The following ACSM5 variants were observed in gnomAD, a reference collection of about 807,000 sequenced individuals.
ACSM5 encodes the protein acyl-coenzyme A synthetase ACSM5, mitochondrial.
Under a neutral mutation model 71.6 loss-of-function variants are expected in ACSM5, and 56 were observed. The ratio of observed to expected loss-of-function variants is 0.78; its 90% confidence interval spans 0.63 to 0.98. ACSM5 has a LOEUF of 0.98. Ranked by LOEUF, ACSM5 falls within the 50% of genes least tolerant of loss-of-function variation. The pLI is 0.00. For missense variants in ACSM5, 723 were observed against 726.0 expected (o/e 1.00, Z 0.05); for synonymous variants, 285 against 281.5 (o/e 1.01, Z -0.12).
rs1967305354 is a variant in ACSM5, at chr16:20,440,483, A to T, written c.*56A>T. The T allele has an allele frequency of 6.8e-7, 1 of 1,479,326 alleles. No individual in the cohort carries two copies. Among genetic ancestry groups the T allele is most frequent in the Admixed American group, 1.7e-5 (1 of 59,678 alleles). The allele number at this position is 1,479,326 out of a possible 1,614,324, so 91.6% of individuals were successfully genotyped here. On this transcript the variant is annotated 3_prime_UTR_variant, in exon 14 of 14. Transcript: ENST00000331849. ...CGAAGACTCCACAAGAAACTAATGGATCACTGGTCAGTCCCCATGGGGAGC... is the reference window on the plus strand; with the variant it reads ...CGAAGACTCCACAAGAAACTAATGGTTCACTGGTCAGTCCCCATGGGGAGC...
chr16:20,427,279 G>A (rs1280464231), intron 6 of ACSM5, among the ~76,000 whole-genome samples: 1 of 152,100 alleles, frequency 6.6e-6, no homozygotes, highest in Non-Finnish European at 1.5e-5. Flanking sequence ...CAGCCTGGGT[G>A]ACAGAGTGAG....
At chr16:20,418,296 G>A (rs373380578) in intron 3 of ACSM5, 27 bp downstream of exon 3, 2 of 1,588,242 alleles carry the variant, frequency 1.3e-6, no homozygotes, top group Non-Finnish European at 1.7e-6. Flanking sequence ...GGGAATTTTA[G>A]TTGGGGGCAG....
chr16:20,419,380 C>T lies in ACSM5; in HGVS notation c.568C>T (p.Leu190=). The change falls in exon 4 of 14, where the codon CTG becomes TTG. Residue 190 remains leucine, a synonymous_variant. Transcript: ENST00000331849. ...CGAATGCCCCTCCCTCCAGACCAAG[C>T]TGCTGGTGTCAGACAGCAGTCGGCC... is the stretch of plus-strand genomic sequence containing the variant. The part of the protein sequence containing the change: ...SAECPSLQTK[L]LVSDSSRPGW... The T allele has an allele frequency of 6.2e-7, 1 of 1,614,222 alleles. No individual in the cohort carries two copies. Among genetic ancestry groups the T allele is most frequent in the South Asian group, 1.1e-5 (1 of 91,088 alleles).
At position 20,418,069 on chromosome 16, in the gene ACSM5, G is replaced by A. The variant is rs149315908; in HGVS notation, c.215G>A (p.Arg72His). Reference sequence around the variant, plus strand: ...TGTACCACCATCTAGGCTGGACACCGCCCCCCAAATCCTGCCTTCTGGTGG... The same window carrying A: ...TGTACCACCATCTAGGCTGGACACCACCCCCCAAATCCTGCCTTCTGGTGG... ...VWSRLEEAGH[R>H]PPNPAFWWVN... The change falls in exon 3 of 14, where the codon CGC (arginine) becomes CAC (histidine). Residue 72 changes from arginine (R) to histidine (H), a missense_variant. Arg to His is a conservative substitution (Grantham distance 29, BLOSUM62 0). Transcript: ENST00000331849. The A allele has an allele frequency of 3.2e-3, 5,102 of 1,613,158 alleles. 18 individuals are homozygous for A. Among genetic ancestry groups the A allele is most frequent in the Non-Finnish European group, 3.7e-3 (4,402 of 1,179,770 alleles).
In ACSM5 at chr16:20,440,885, G is replaced by A. The variant is rs1471265266; in HGVS notation, c.*458G>A. On this transcript the variant is annotated 3_prime_UTR_variant, in exon 14 of 14. Coordinates refer to ENST00000331849, the MANE Select transcript of ACSM5 (RefSeq NM_017888.3). ...TAGCTCAGAAATTCTATCTTCGGGA[G>A]TCACCACAAAAGAAAAAAATCAAAA... 6.5e-6 allele frequency: 1 copy of A among 153,046 alleles called. No homozygotes were observed. Among genetic ancestry groups the A allele is most frequent in the Non-Finnish European group, 1.5e-5 (1 of 68,926 alleles). 9.5% of individuals were successfully genotyped at this position (153,046 alleles called of 1,614,324 possible). A position where few individuals can be genotyped will look rare whatever the true frequency, so the allele number is the denominator to read the frequency against.
chr16:20,426,095 A>T (rs1966972602), intron 6 of ACSM5, among the ~76,000 whole-genome samples: 1 of 152,140 alleles, frequency 6.6e-6, no homozygotes, highest in African/African-American at 2.4e-5. Flanking sequence ...AACATCTATT[A>T]TTTTTTGATA....
chr16:20,421,763 A>G (rs1454997910), intron 5 of ACSM5, among the ~76,000 whole-genome samples: 6 of 151,616 alleles, frequency 4.0e-5, no homozygotes, highest in South Asian at 2.1e-4. Flanking sequence ...GTCATTAAAT[A>G]CATTCACATT....
chr16:20,424,933 GA>G (rs1255905350), intron 6 of ACSM5, among the ~76,000 whole-genome samples: 1 of 152,236 alleles, frequency 6.6e-6, no homozygotes, highest in Non-Finnish European at 1.5e-5. Context: ...TGCAATGCGT[GA>G]AAATCACATC....
intron 5 of ACSM5, among the ~76,000 whole-genome samples, chr16:20,421,656 T>TAC (rs60844372): frequency 4.8e-4 from 51 of 106,056 alleles, no homozygotes; most frequent in African/African-American, 1.3e-3. Context: ...TATATATATA[T>TAC]ACACACACAC....
chr16:20,421,527 T>G (rs1966880968), intron 5 of ACSM5, 126 bp downstream of exon 5: 1 of 867,896 alleles, frequency 1.2e-6, no homozygotes, highest in South Asian at 3.0e-5. Context: ...GAGAAGCCAA[T>G]AGGAGCAGCT....
intron 13 of ACSM5, 131 bp downstream of exon 13, chr16:20,440,050 C>T (rs2141664952): frequency 2.4e-6 from 3 of 1,230,910 alleles, no homozygotes; most frequent in African/African-American, 3.0e-5. Flanking sequence ...CTGGCTGCTG[C>T]TTCAGCTTTT....
chr16:20,432,583 A>AAT (rs1453544970), intron 10 of ACSM5, among the ~76,000 whole-genome samples: 1 of 152,152 alleles, frequency 6.6e-6, no homozygotes, highest in Non-Finnish European at 1.5e-5. Flanking sequence ...AGCAATAGTA[A>AAT]ATCTTTGACC....
rs138834094 is a variant in ACSM5, at chr16:20,431,272, C to T, written c.1259C>T (p.Ala420Val). 7,237 of 1,614,166 alleles carry T rather than the reference C, an allele frequency of 4.5e-3. 31 individuals carry two copies. The highest frequency in any genetic ancestry group is 5.6e-3 in the Non-Finnish European group (6,619 of 1,180,008). The change falls in exon 10 of 14, where the codon GCC becomes GTC. Residue 420 changes from alanine (A) to valine (V), a missense_variant. Coordinates refer to ENST00000331849, the MANE Select transcript of ACSM5 (RefSeq NM_017888.3). ...CCTCCTGGAGAAGAGGGGAATGTTGCCGTCCGTATCAGACCCACTCGGCCC... is the reference window on the plus strand; with the variant it reads ...CCTCCTGGAGAAGAGGGGAATGTTGTCGTCCGTATCAGACCCACTCGGCCC... ...VLPPGEEGNVAVRIRPTRPFC... is the reference protein window; with the variant it reads ...VLPPGEEGNVVVRIRPTRPFC...
chr16:20,419,407 G>A lies in ACSM5; in HGVS notation c.595G>A (p.Gly199Ser). ...KLLVSDSSRP[G>S]WLNFRELLRE... is the part of the protein sequence containing the mutation. ...GCTGGTGTCAGACAGCAGTCGGCCA[G>A]GCTGGTTGAACTTCAGGGAACTCCT... is the stretch of plus-strand genomic sequence containing the variant. The change falls in exon 4 of 14, where the codon GGC becomes AGC. Residue 199 changes from glycine (G) to serine (S), a missense_variant. Physicochemically the swap from Gly to Ser is moderately conservative, Grantham distance 56. Transcript: ENST00000331849. The A allele has an allele frequency of 6.2e-7, 1 of 1,614,206 alleles. No individual in the cohort carries two copies. The highest frequency in any genetic ancestry group is 8.5e-7 in the Non-Finnish European group (1 of 1,180,028).
In ACSM5 at chr16:20,423,974, G is replaced by A; in HGVS notation, c.826G>A (p.Val276Met). ...IFWNTTDTGW[V>M]KAAWTLFSAW... Reference sequence around the variant, plus strand: ...CTGGAACACGACTGACACTGGCTGGGTGAAGGCAGCCTGGACTCTCTTCTC... The same window carrying A: ...CTGGAACACGACTGACACTGGCTGGATGAAGGCAGCCTGGACTCTCTTCTC... The change falls in exon 6 of 14, where the codon GTG becomes ATG. Residue 276 changes from valine to methionine, a missense_variant. Coordinates refer to ENST00000331849, the MANE Select transcript of ACSM5 (RefSeq NM_017888.3). 6.2e-7 allele frequency: 1 copy of A among 1,614,188 alleles called. No individual in the cohort carries two copies. The highest frequency in any genetic ancestry group is 2.2e-5 in the East Asian group (1 of 44,880).
intron 4 of ACSM5, 171 bp downstream of exon 4, chr16:20,419,606 G>T: frequency 9.3e-6 from 6 of 644,390 alleles, no homozygotes; most frequent in Non-Finnish European, 1.3e-5. Flanking sequence ...TAATGTTCAA[G>T]GTCCCTCATT....
At chr16:20,410,164 G>A (rs1966844922) in intron 1 of ACSM5, among the ~76,000 whole-genome samples, 1 of 152,102 alleles carries the variant, frequency 6.6e-6, no homozygotes, top group African/African-American at 2.4e-5. Context: ...TACACAGTAG[G>A]CCTTCAATAG....
rs141267278 is a variant in ACSM5 at position 20,411,650 on chromosome 16, G to A, written c.166G>A (p.Ala56Thr). Residue 56 changes from alanine to threonine, a missense_variant, in exon 2 of 14, where the codon GCC becomes ACC. Coordinates refer to ENST00000331849, the MANE Select transcript of ACSM5 (RefSeq NM_017888.3). ...RQLVPEYFNFAHDVLDVWSRL... is the reference protein window; with the variant it reads ...RQLVPEYFNFTHDVLDVWSRL... ...GCTGGTGCCTGAGTACTTCAACTTCGCCCATGATGTGCTGGATGTGTGGAG... is the reference window on the plus strand; with the variant it reads ...GCTGGTGCCTGAGTACTTCAACTTCACCCATGATGTGCTGGATGTGTGGAG... 3.7e-5 allele frequency: 60 copies of A among 1,613,968 alleles called. No homozygotes were observed. The highest frequency in any genetic ancestry group is 1.0e-4 in the Admixed American group (6 of 60,006).
At chr16:20,433,104 C>T (rs1482769730) in intron 10 of ACSM5, among the ~76,000 whole-genome samples, 4 of 152,072 alleles carry the variant, frequency 2.6e-5, no homozygotes, top group Admixed American at 6.5e-5. Context: ...GTGATCTGCC[C>T]GCCTCGGGCA....
Sources: gnomAD v4.1 joint callset for allele counts (sites outside exome capture counted in the v4.1 genomes callset) on GRCh38, gnomAD v4.1.1 for gene constraint, MANE v1.5 for transcripts, NCBI Gene and HGNC (gene_info 2026-07-23, HGNC 2026-07-21) for gene names.